Variants in KSR2 observed in about 807,000 individuals in gnomAD.
KSR2 encodes kinase suppressor of ras 2.
A neutral mutation model predicts 107.8 loss-of-function variants in KSR2; 25 were observed. That is an observed-to-expected ratio of 0.23 (90% confidence interval 0.17 to 0.32). The LOEUF (loss-of-function observed/expected upper bound fraction) is 0.32. KSR2 is among the 10% of genes least tolerant of loss of function. KSR2 has a pLI of 1.00. For missense variants in KSR2, 887 were observed against 1,268.9 expected (o/e 0.70, Z 4.57); for synonymous variants, 480 against 507.0 (o/e 0.95, Z 0.71).
chr12:117,595,100 A>G (rs950628546), intron 5 of KSR2, among the ~76,000 whole-genome samples: 1 of 152,188 alleles, frequency 6.6e-6, no homozygotes, highest in Non-Finnish European at 1.5e-5. Context: ...CAGCCCATCC[A>G]GGGGACAGAG....
intron 14 of KSR2, among the ~76,000 whole-genome samples, chr12:117,494,216 G>T (rs1325551484): frequency 6.6e-6 from 1 of 151,998 alleles, no homozygotes; most frequent in Non-Finnish European, 1.5e-5. Context: ...AGCTTCTATG[G>T]GGGTCTGCAC....
intron 1 of KSR2, among the ~76,000 whole-genome samples, chr12:117,947,605 C>T (rs1896238368): frequency 6.6e-6 from 1 of 150,482 alleles, no homozygotes; most frequent in African/African-American, 2.5e-5. Context: ...TCTCAGACAA[C>T]ATGATTAACT....
chr12:117,945,586 A>C (rs1376157678), intron 1 of KSR2, among the ~76,000 whole-genome samples: 2 of 152,160 alleles, frequency 1.3e-5, no homozygotes, highest in Non-Finnish European at 2.9e-5. Flanking sequence ...AGGCAGGAGA[A>C]TTACTTGAAC....
At chr12:117,715,516 G>A (rs1006409385) in intron 4 of KSR2, among the ~76,000 whole-genome samples, 2 of 152,152 alleles carry the variant, frequency 1.3e-5, no homozygotes, top group Non-Finnish European at 2.9e-5. Flanking sequence ...GCCAGCCACT[G>A]GGACAGGCAA....
At chr12:117,710,970 A>G (rs1207972930) in intron 4 of KSR2, among the ~76,000 whole-genome samples, 1 of 152,102 alleles carries the variant, frequency 6.6e-6, no homozygotes, top group Non-Finnish European at 1.5e-5. Context: ...CATGTCTACA[A>G]TCCTTTAGCG....
intron 5 of KSR2, among the ~76,000 whole-genome samples, chr12:117,600,445 G>A (rs79630445): frequency 3.9e-5 from 6 of 152,090 alleles, no homozygotes; most frequent in East Asian, 1.9e-4. Flanking sequence ...CTCTGAATGC[G>A]TCCCTGGACC....
intron 3 of KSR2, among the ~76,000 whole-genome samples, chr12:117,787,114 C>T (rs1321517764): frequency 6.6e-6 from 1 of 152,082 alleles, no homozygotes; most frequent in African/African-American, 2.4e-5. Context: ...TTTGTCCCTA[C>T]CCCACTACTC....
At chr12:117,911,880 G>GCGTCTC (rs1447036404) in intron 1 of KSR2, among the ~76,000 whole-genome samples, 4 of 152,200 alleles carry the variant, frequency 2.6e-5, no homozygotes, top group African/African-American at 9.6e-5. Context: ...CAAGGCTTAT[G>GCGTCTC]CGTCTCCGGG....
intron 4 of KSR2, among the ~76,000 whole-genome samples, chr12:117,700,422 C>A (rs1034185827): frequency 5.3e-5 from 8 of 152,158 alleles, no homozygotes; most frequent in Non-Finnish European, 1.0e-4. Context: ...TGTCCATCTA[C>A]CACTTTGCCT....
intron 1 of KSR2, among the ~76,000 whole-genome samples, chr12:117,921,517 G>A (rs1040430142): frequency 2.0e-5 from 3 of 152,042 alleles, no homozygotes; most frequent in African/African-American, 7.2e-5. Flanking sequence ...AGCTTCCCAG[G>A]ACACTTCTAA....
intron 10 of KSR2, among the ~76,000 whole-genome samples, chr12:117,534,877 C>T (rs901458972): frequency 2.0e-5 from 3 of 152,018 alleles, no homozygotes; most frequent in African/African-American, 7.3e-5. Flanking sequence ...TGTGGGCAGC[C>T]CCTAGATGCT....
rs1193937168 is a variant in KSR2, at chr12:117,763,159, C to T, written c.473-1635G>A. The stretch of plus-strand genomic sequence containing the variant: ...TGCGGTGTTTGGTTTTTTGTCCTTG[C>T]GATAGTTTACTGAGAATGATGATTT... On this transcript the variant is annotated intron_variant, in intron 3 of 19. Coordinates refer to ENST00000339824, the MANE Select transcript of KSR2 (RefSeq NM_173598.6). 1.6e-4 allele frequency among the ~76,000 whole-genome samples: 24 copies of T among 151,648 alleles called. No homozygotes were observed. The East Asian group carries it at 3.9e-3, about 25-fold the overall frequency.
intron 1 of KSR2, among the ~76,000 whole-genome samples, chr12:117,913,228 T>A (rs1021767324): frequency 2.0e-5 from 3 of 152,136 alleles, no homozygotes; most frequent in African/African-American, 7.2e-5. Flanking sequence ...GGACCTAGTT[T>A]CTTTAGGCTG....
intron 3 of KSR2, among the ~76,000 whole-genome samples, chr12:117,844,976 C>A (rs1593297569): frequency 6.6e-6 from 1 of 152,270 alleles, no homozygotes; most frequent in South Asian, 2.1e-4. Context: ...GAAACCCCGT[C>A]TCTACTAAAA....
chr12:117,578,931 T>C (rs1879463936), intron 7 of KSR2, among the ~76,000 whole-genome samples, 188 bp downstream of exon 7: 2 of 152,326 alleles, frequency 1.3e-5, no homozygotes, highest in South Asian at 2.1e-4. Flanking sequence ...CTGGTTCTTA[T>C]TCAGAATTGC....
At chr12:117,476,636 C>T (rs1287923479) in intron 16 of KSR2, 41 bp from the exon 17 acceptor site, 1 of 1,574,276 alleles carries the variant, frequency 6.4e-7, no homozygotes, top group Non-Finnish European at 8.6e-7. Context: ...TTTCATAGCC[C>T]AGGGTGGACC....
chr12:117,622,090 A>C (rs1041240952), intron 5 of KSR2, among the ~76,000 whole-genome samples: 1 of 152,076 alleles, frequency 6.6e-6, no homozygotes, highest in African/African-American at 2.4e-5. Context: ...ACAGTTGGCA[A>C]ACTCTTGATG....
intron 14 of KSR2, among the ~76,000 whole-genome samples, chr12:117,489,991 A>C (rs745563712): frequency 1.3e-5 from 2 of 152,228 alleles, no homozygotes; most frequent in Non-Finnish European, 1.5e-5. Context: ...AAGTTTACTG[A>C]GTATGTGCTT....
At chr12:117,473,741 T>C (rs1871615148) in intron 17 of KSR2, among the ~76,000 whole-genome samples, 1 of 152,216 alleles carries the variant, frequency 6.6e-6, no homozygotes, top group Non-Finnish European at 1.5e-5. Flanking sequence ...TTGAGAGAAA[T>C]AGGGCTTTGA....
Sources: allele counts gnomAD v4.1 joint callset (sites outside exome capture counted in the v4.1 genomes callset), GRCh38; gene constraint gnomAD v4.1.1; transcripts MANE v1.5; gene names NCBI Gene and HGNC (gene_info 2026-07-23, HGNC 2026-07-21).